RLF: variants seen among roughly 807,000 people sequenced by gnomAD.
RLF encodes the protein RLF zinc finger.
In RLF, 7 loss-of-function variants were observed where a neutral mutation model predicts 162.9. That is an observed-to-expected ratio of 0.04 (90% CI 0.02 to 0.08). The LOEUF is 0.08. Ranked by LOEUF, RLF falls within the 10% of genes least tolerant of loss-of-function variation. RLF has a pLI of 1.00. For missense variants in RLF, 1,664 were observed against 2,244.7 expected, an observed-to-expected ratio of 0.74 and a Z score of 5.23; for synonymous variants, 782 against 791.5, an observed-to-expected ratio of 0.99 and a Z score of 0.20.
At chr1:40,207,662 G>C (rs1642813972) in intron 5 of RLF, among the ~76,000 whole-genome samples, 1 of 152,126 alleles carries the variant, frequency 6.6e-6, no homozygotes, top group Admixed American at 6.5e-5. Context: ...CCAGCCTGGA[G>C]TGCAGTGGCG....
At chr1:40,177,552 C>T (rs1266829167) in intron 1 of RLF, among the ~76,000 whole-genome samples, 3 of 152,076 alleles carry the variant, frequency 2.0e-5, no homozygotes, top group African/African-American at 7.2e-5. Context: ...CCCCACCTCC[C>T]AAAGTGCTGG....
intron 3 of RLF, among the ~76,000 whole-genome samples, chr1:40,194,881 TGGAGCGCAGTG>T (rs1557746120): frequency 1.3e-5 from 2 of 151,852 alleles, no homozygotes; most frequent in African/African-American, 2.4e-5. Context: ...TCACCCAGGC[TGGAGCGCAGTG>T]GCACAATCAT....
At chr1:40,219,501 G>A (rs749238379) in intron 5 of RLF, among the ~76,000 whole-genome samples, 1 of 152,214 alleles carries the variant, frequency 6.6e-6, no homozygotes, top group Non-Finnish European at 1.5e-5. Flanking sequence ...TTAAATGACA[G>A]TGGAAAATAA....
chr1:40,213,980 TTGCC>T (rs1642893723), intron 5 of RLF, among the ~76,000 whole-genome samples: 1 of 152,268 alleles, frequency 6.6e-6, no homozygotes, highest in Non-Finnish European at 1.5e-5. Flanking sequence ...TGTTGTTTAA[TTGCC>T]TGATTATTTT....
intron 5 of RLF, among the ~76,000 whole-genome samples, chr1:40,211,389 T>C (rs747799120): frequency 2.6e-5 from 4 of 152,230 alleles, no homozygotes; most frequent in Non-Finnish European, 5.9e-5. Flanking sequence ...CTCTACCACC[T>C]ATTTCCATGT....
At chr1:40,184,875 T>G (rs1232443158) in intron 1 of RLF, among the ~76,000 whole-genome samples, 3 of 152,042 alleles carry the variant, frequency 2.0e-5, no homozygotes, top group African/African-American at 7.3e-5. Flanking sequence ...AGAATGAACT[T>G]TAGGAGGTCA....
chr1:40,226,780 A>G (rs1409142570), intron 6 of RLF, among the ~76,000 whole-genome samples: 1 of 152,142 alleles, frequency 6.6e-6, no homozygotes, highest in African/African-American at 2.4e-5. Context: ...TCTGAATCTC[A>G]GTGTAACATG....
chr1:40,223,730 A>G (rs1261156631), intron 6 of RLF, among the ~76,000 whole-genome samples: 2 of 152,228 alleles, frequency 1.3e-5, no homozygotes, highest in Non-Finnish European at 2.9e-5. Context: ...CCCAGTCCTC[A>G]TAATAATCAT....
At chr1:40,229,902 G>T (rs1274161214) in intron 6 of RLF, among the ~76,000 whole-genome samples, 1 of 151,936 alleles carries the variant, frequency 6.6e-6, no homozygotes, top group Non-Finnish European at 1.5e-5. Context: ...ATCACCTGAG[G>T]TTGGGAGTTA....
chr1:40,228,394 G>C (rs989288185), intron 6 of RLF, among the ~76,000 whole-genome samples: 17 of 151,570 alleles, frequency 1.1e-4, no homozygotes, highest in East Asian at 2.0e-4. Context: ...GACCAGCCTG[G>C]CCAACATAGC....
At chr1:40,196,974 A>G (rs745505970) in intron 4 of RLF, among the ~76,000 whole-genome samples, 13 of 152,210 alleles carry the variant, frequency 8.5e-5, no homozygotes, top group African/African-American at 4.8e-5. Flanking sequence ...TGTTAAGTAC[A>G]TTTTTTGCTA....
intron 5 of RLF, among the ~76,000 whole-genome samples, chr1:40,203,190 C>T (rs760799807): frequency 2.7e-5 from 4 of 147,528 alleles, no homozygotes; most frequent in Non-Finnish European, 5.9e-5. Context: ...TTTCGGCTCA[C>T]TGCAGCCTCT....
Position 40,189,225 on chromosome 1 carries a change from T to C in RLF, c.392+16T>C, listed in dbSNP as rs1216819167. The C allele has an allele frequency of 6.2e-7, 1 of 1,603,858 alleles. No individual in the cohort carries two copies. Among genetic ancestry groups the C allele is most frequent in the Non-Finnish European group, 8.5e-7 (1 of 1,173,558 alleles). On this transcript the variant is annotated intron_variant, in intron 2 of 7. Transcript: ENST00000372771. Reference sequence around the variant, plus strand: ...GATTAGTACTGTAAGTTTGAGAACTTAAATCACTCTTAAAATTGAGTACCA... The same window carrying C: ...GATTAGTACTGTAAGTTTGAGAACTCAAATCACTCTTAAAATTGAGTACCA...
chr1:40,196,946 G>C (rs770406767), intron 4 of RLF, among the ~76,000 whole-genome samples: 24 of 152,208 alleles, frequency 1.6e-4, no homozygotes, highest in Non-Finnish European at 3.1e-4. Context: ...TTAGTGGAAA[G>C]TTCAAAGGAT....
chr1:40,188,789 G>A (rs1642519196), intron 1 of RLF, among the ~76,000 whole-genome samples: 1 of 152,288 alleles, frequency 6.6e-6, no homozygotes, highest in Non-Finnish European at 1.5e-5. Context: ...CAGACCTATA[G>A]TGAGAACAAC....
intron 1 of RLF, among the ~76,000 whole-genome samples, chr1:40,185,843 C>CAAAAAAAAAAAAAAAAAAAAA (rs33982008): frequency 5.9e-5 from 4 of 67,544 alleles, no homozygotes; most frequent in Non-Finnish European, 7.8e-5. Flanking sequence ...AAAAAAAAAG[C>CAAAAAAAAAAAAAAAAAAAAA]AAAAAAAAAA....
chr1:40,213,639 C>T (rs1425618343), intron 5 of RLF, among the ~76,000 whole-genome samples: 10 of 152,196 alleles, frequency 6.6e-5, no homozygotes, highest in African/African-American at 2.4e-4. Context: ...CTTTCTTCTA[C>T]TCAAGGATGC....
intron 5 of RLF, among the ~76,000 whole-genome samples, chr1:40,205,816 A>G (rs945058297): frequency 1.3e-5 from 2 of 152,070 alleles, no homozygotes; most frequent in African/African-American, 4.8e-5. Context: ...AAGACATTCT[A>G]ATATGACCTT....
intron 1 of RLF, among the ~76,000 whole-genome samples, chr1:40,166,116 TTGTC>T (rs945616556): frequency 6.6e-6 from 1 of 152,228 alleles, no homozygotes; most frequent in African/African-American, 2.4e-5. Context: ...GTTTCCATGT[TTGTC>T]TTTTGTATTG....
Sources: allele counts gnomAD v4.1 joint callset (sites outside exome capture counted in the v4.1 genomes callset), GRCh38; gene constraint gnomAD v4.1.1; transcripts MANE v1.5; gene names NCBI Gene and HGNC (gene_info 2026-07-23, HGNC 2026-07-21).